Variants in ABHD14B observed in about 807,000 individuals in gnomAD.
ABHD14B encodes the protein abhydrolase domain containing 14B.
Under a neutral mutation model 15.4 loss-of-function variants are expected in ABHD14B, and 19 were observed. That is an observed-to-expected ratio of 1.23 (90% CI 0.86 to 1.81). The LOEUF is 1.81. Among genes scored for constraint, ABHD14B ranks in the 40% most tolerant of loss-of-function variants. The pLI, the probability that ABHD14B is intolerant of heterozygous loss-of-function variation, is 0.00. For synonymous variants in ABHD14B, 92 were observed against 117.3 expected (o/e 0.78, Z 1.39); for missense variants, 243 against 267.0 (o/e 0.91, Z 0.63).
chr3:51,970,810 C>T (rs1386348001), intron 2 of ABHD14B: 3 of 456,074 alleles, frequency 6.6e-6, no homozygotes, highest in Non-Finnish European at 1.3e-5. Context: ...CATCCCTGGC[C>T]TGAGGGGGTG....
chr3:51,969,960 T>C lies in ABHD14B; in HGVS notation c.436A>G (p.Asn146Asp). 6.2e-7 allele frequency: 1 copy of C among 1,614,184 alleles called. No individual in the cohort carries two copies. Among genetic ancestry groups the C allele is most frequent in the East Asian group, 2.2e-5 (1 of 44,874 alleles). ...PICTDKINAA[N>D]YASVKTPALI... is the part of the protein sequence containing the mutation. ...AAGGGTACCTTCACACTGGCATAGT[T>C]GGCAGCATTGATTTTGTCAGTGCAG... The change falls in exon 3 of 4, where the codon AAC becomes GAC. Residue 146 changes from asparagine (N) to aspartate (D), a missense_variant. Transcript: ENST00000361143.
chr3:51,970,547 G>T (rs548072383), intron 2 of ABHD14B: 3 of 518,146 alleles, frequency 5.8e-6, no homozygotes, highest in East Asian at 5.0e-5. Context: ...TGTTAAAGGG[G>T]GATAACAAAA....
chr3:51,971,513 G>A lies in ABHD14B; in HGVS notation c.158C>T (p.Thr53Ile), dbSNP rs1362366877. 6.2e-7 allele frequency: 1 copy of A among 1,612,716 alleles called. No individual in the cohort carries two copies. Among genetic ancestry groups the A allele is most frequent in the African/African-American group, 1.3e-5 (1 of 75,000 alleles). Residue 53 changes from threonine (T) to isoleucine (I), a missense_variant, in exon 2 of 4, where the codon ACA becomes ATA. Coordinates refer to ENST00000361143, the MANE Select transcript of ABHD14B (RefSeq NM_001146314.2). ...FSSETWQNLG[T>I]LHRLAQAGYR... ...GCCAGCCTGGGCCAGCCTGTGCAGT[G>A]TACCCAGGTTCTGCCAGGTCTCGGA... is the stretch of plus-strand genomic sequence containing the variant.
Position 51,970,119 on chromosome 3 carries a change from G to C in ABHD14B, c.277C>G (p.Leu93Val). The change falls in exon 3 of 4, where the codon CTG becomes GTG. Residue 93 changes from leucine to valine, a missense_variant. Transcript: ENST00000361143. ...TCCAAGGCATCCACCACAGCCGCCA[G>C]GAAGCTGCCAGGGGCCAGCTCCCCA... ...PIGELAPGSF[L>V]AAVVDALELG... The C allele has an allele frequency of 6.3e-7, 1 of 1,579,660 alleles. No homozygotes were observed. The highest frequency in any genetic ancestry group is 1.3e-5 in the African/African-American group (1 of 74,272).
Position 51,973,999 on chromosome 3 carries a change from C to T in ABHD14B, c.-63G>A. 1 of 1,289,200 alleles carries T rather than the reference C, an allele frequency of 7.8e-7. No homozygotes were observed. Among genetic ancestry groups the T allele is most frequent in the Middle Eastern group, 2.3e-4 (1 of 4,258 alleles). 79.9% of individuals were successfully genotyped at this position (1,289,200 alleles called of 1,614,324 possible). On this transcript the variant is annotated 5_prime_UTR_variant, in exon 1 of 4. Transcript: ENST00000361143. ...TGCGTGGACTCGCGCAGACGGGAAG[C>T]AGGCGCGTGCTGGCGGTGACCTGGG...
In ABHD14B at chr3:51,969,321, G is replaced by A. The variant is rs749481598; in HGVS notation, c.*105C>T. Reference sequence around the variant, plus strand: ...CAAGAACCCAGACATATAGACAGACGCACCTGTTGCATGTGCATGAGCCAG... The same window carrying A: ...CAAGAACCCAGACATATAGACAGACACACCTGTTGCATGTGCATGAGCCAG... On this transcript the variant is annotated 3_prime_UTR_variant, in exon 4 of 4. Coordinates refer to ENST00000361143, the MANE Select transcript of ABHD14B (RefSeq NM_001146314.2). 1.4e-4 allele frequency: 177 copies of A among 1,283,058 alleles called. No individual in the cohort carries two copies. Among genetic ancestry groups the A allele is most frequent in the South Asian group, 2.2e-4 (15 of 68,620 alleles). 79.5% of individuals were successfully genotyped at this position (1,283,058 alleles called of 1,614,324 possible). A position where few individuals can be genotyped will look rare whatever the true frequency, so the allele number is the denominator to read the frequency against.
intron 1 of ABHD14B, 128 bp from the exon 2 acceptor site, chr3:51,971,826 G>A (rs2106799246): frequency 7.1e-7 from 1 of 1,405,820 alleles, no homozygotes; most frequent in East Asian, 2.6e-5. Flanking sequence ...GGGTCAGGAG[G>A]ACATAGGTGT....
intron 1 of ABHD14B, chr3:51,973,681 C>T (rs555147992): frequency 1.6e-5 from 7 of 424,634 alleles, no homozygotes; most frequent in African/African-American, 1.2e-4. Flanking sequence ...ACCGGAAAGC[C>T]CATTTTCTAG....
chr3:51,970,328 C>T lies in ABHD14B; in HGVS notation c.212-144G>A, dbSNP rs182883832. On this transcript the variant is annotated intron_variant, in intron 2 of 3. Coordinates refer to ENST00000361143, the MANE Select transcript of ABHD14B (RefSeq NM_001146314.2). ...AACACCCAGTGTGCCCACGTTTATT[C>T]CTACAGTAGCCTCATTCTATCTTAT... The T allele has an allele frequency of 2.0e-4, 212 of 1,056,556 alleles. 3 individuals carry two copies. In the East Asian group the frequency reaches 5.0e-3, roughly 25 times the overall value. The allele number at this position is 1,056,556 out of a possible 1,614,324, so 65.4% of individuals were successfully genotyped here.
rs1034925982 is a variant in ABHD14B at position 51,971,697 on chromosome 3, G to A, written c.-27C>T. 1.2e-6 allele frequency: 2 copies of A among 1,607,018 alleles called. No homozygotes were observed. The highest frequency in any genetic ancestry group is 1.3e-5 in the African/African-American group (1 of 74,940). On this transcript the variant is annotated splice_region_variant and 5_prime_UTR_variant, in exon 2 of 4. Coordinates refer to ENST00000361143, the MANE Select transcript of ABHD14B (RefSeq NM_001146314.2). ...CCTGCTGCTGCTGTGCTGGTGAAGGGCCTGTGGTTCAAAACCACGATGATG... is the reference window on the plus strand; with the variant it reads ...CCTGCTGCTGCTGTGCTGGTGAAGGACCTGTGGTTCAAAACCACGATGATG...
intron 2 of ABHD14B, chr3:51,970,523 T>C: frequency 1.1e-5 from 6 of 562,928 alleles, no homozygotes; most frequent in South Asian, 9.2e-5. Flanking sequence ...TCTCAGCTGC[T>C]CAGTTTCCCC....
chr3:51,973,786 C>T, intron 1 of ABHD14B, 179 bp downstream of exon 1: 7 of 1,246,834 alleles, frequency 5.6e-6, no homozygotes, highest in Non-Finnish European at 7.4e-6. Context: ...GTTGACCTCG[C>T]GGTCAGGTTG....
chr3:51,972,777 G>A (rs1700681237), intron 1 of ABHD14B, among the ~76,000 whole-genome samples: 1 of 152,222 alleles, frequency 6.6e-6, no homozygotes, highest in South Asian at 2.1e-4. Context: ...CACGTAGTAA[G>A]GGCTCAGTGC....
intron 2 of ABHD14B, 111 bp downstream of exon 2, chr3:51,971,349 A>T (rs1211330855): frequency 5.4e-6 from 7 of 1,301,954 alleles, no homozygotes; most frequent in Non-Finnish European, 7.2e-6. Context: ...GGTCCTCCAG[A>T]TCCCACCGCC....
Position 51,970,050 on chromosome 3 carries a change from A to C in ABHD14B, c.346T>G (p.Tyr116Asp). The C allele has an allele frequency of 6.2e-7, 1 of 1,614,010 alleles. No homozygotes were observed. ...VVISPSLSGM[Y>D]SLPFLTAPGS... Reference sequence around the variant, plus strand: ...GGGGCCGTGAGGAAGGGCAGGGAGTACATGCCACTCAGTGATGGACTGATC... The same window carrying C: ...GGGGCCGTGAGGAAGGGCAGGGAGTCCATGCCACTCAGTGATGGACTGATC... The change falls in exon 3 of 4, where the codon TAC becomes GAC. Residue 116 changes from tyrosine (Y) to aspartate (D), a missense_variant. Physicochemically the swap from Tyr to Asp is radical, Grantham distance 160. Coordinates refer to ENST00000361143, the MANE Select transcript of ABHD14B (RefSeq NM_001146314.2).
chr3:51,973,761 C>T (rs1700713800), intron 1 of ABHD14B: 2 of 1,151,332 alleles, frequency 1.7e-6, no homozygotes, highest in Admixed American at 2.3e-5. Context: ...CGCGCTGCCA[C>T]CTGGGGCCCA....
intron 1 of ABHD14B, among the ~76,000 whole-genome samples, chr3:51,972,580 A>C (rs929002648): frequency 6.6e-6 from 1 of 152,224 alleles, no homozygotes. Context: ...TCTCAAAAAA[A>C]CAAAAAACAG....
Position 51,971,527 on chromosome 3 carries a change from C to T in ABHD14B, c.144G>A (p.Trp48Ter), listed in dbSNP as rs1212665029. ...LHGIRFSSET[W>*]QNLGTLHRLA... ...GCCTGTGCAGTGTACCCAGGTTCTG[C>T]CAGGTCTCGGAGGAGAAGCGAATAC... Residue 48 changes from tryptophan (W) to a stop codon, truncating the protein, a stop_gained, in exon 2 of 4, where the codon TGG becomes TGA. Transcript: ENST00000361143. LOFTEE classifies it high-confidence loss of function. The T allele has an allele frequency of 6.2e-7, 1 of 1,613,218 alleles. No homozygotes were observed. The highest frequency in any genetic ancestry group is 8.5e-7 in the Non-Finnish European group (1 of 1,179,646).
chr3:51,972,610 G>A (rs1228161301), intron 1 of ABHD14B, among the ~76,000 whole-genome samples: 1 of 151,926 alleles, frequency 6.6e-6, no homozygotes, highest in East Asian at 1.9e-4. Context: ...CAGTGGGGGT[G>A]CCTGCTGTAA....
Sources: gnomAD v4.1 joint callset for allele counts (sites outside exome capture counted in the v4.1 genomes callset) on GRCh38, gnomAD v4.1.1 for gene constraint, MANE v1.5 for transcripts, NCBI Gene and HGNC (gene_info 2026-07-23, HGNC 2026-07-21) for gene names.